Variants in PPP2R1B observed in about 807,000 individuals in gnomAD.
PPP2R1B encodes the protein protein phosphatase 2 scaffold subunit Abeta.
PPP2R1B carries 58 observed loss-of-function variants against 72.7 expected under a neutral mutation model. That is an observed-to-expected ratio of 0.80 (90% CI 0.65 to 0.99). PPP2R1B has a LOEUF of 0.99. PPP2R1B is among the 50% of genes least tolerant of loss of function. The pLI is 0.00. For synonymous variants in PPP2R1B, 256 were observed against 264.6 expected, an observed-to-expected ratio of 0.97 and a Z score of 0.32; for missense variants, 695 against 733.6, an observed-to-expected ratio of 0.95 and a Z score of 0.61.
downstream of PPP2R1B, among the ~76,000 whole-genome samples, chr11:111,723,327 G>A (rs142084650): frequency 6.6e-5 from 10 of 152,330 alleles, no homozygotes; most frequent in African/African-American, 1.9e-4. Context: ...CAAAACATGA[G>A]ATTAGGTTTA....
At chr11:111,724,264 C>A, downstream of PPP2R1B, 2 of 1,281,984 alleles carry the variant, frequency 1.6e-6, no homozygotes, top group Non-Finnish European at 2.1e-6. Context: ...CAACTGGAAT[C>A]AGAGGGTCTG....
At position 111,765,231 on chromosome 11, in the gene PPP2R1B, C is replaced by T. The variant is rs1029189615; in HGVS notation, c.205+63G>A. 55 of 1,452,678 alleles carry T rather than the reference C, an allele frequency of 3.8e-5. No homozygotes were observed. The African/African-American group carries it at 7.5e-4, about 20-fold the overall frequency. The allele number at this position is 1,452,678 out of a possible 1,614,324, so 90.0% of individuals were successfully genotyped here. A position where few individuals can be genotyped will look rare whatever the true frequency, so the allele number is the denominator to read the frequency against. ...TGTGGGTAATAAACTCTAAAAAAGT[C>T]AGTGTTGAAAGCTACTGGAAAATGG... On this transcript the variant is annotated intron_variant, in intron 2 of 14. Transcript: ENST00000527614.
At position 111,753,447 on chromosome 11, in the gene PPP2R1B, T is replaced by A; in HGVS notation, c.1160A>T (p.Asp387Val). ...AGAACATAAAGCAAGACCCACCTCA[T>A]CCTTTAACTGAGCTAAGAAAAGAGG... ...LLPLFLAQLK[D>V]ECPDVRLNII... The change falls in exon 9 of 15, where the codon GAT becomes GTT. Residue 387 changes from aspartate to valine, a missense_variant. Physicochemically the swap from Asp to Val is radical, Grantham distance 152. Coordinates refer to ENST00000527614, the MANE Select transcript of PPP2R1B (RefSeq NM_002716.5). 6.2e-7 allele frequency: 1 copy of A among 1,612,638 alleles called. No individual in the cohort carries two copies. The highest frequency in any genetic ancestry group is 1.7e-4 in the Middle Eastern group (1 of 6,060).
chr11:111,696,893 C>G, the PPP2R1B span, among the ~76,000 whole-genome samples: 2 of 152,166 alleles, frequency 1.3e-5, no homozygotes, highest in African/African-American at 4.8e-5. Context: ...TCATTCCCCC[C>G]CTACTCACCT....
At chr11:111,744,099 C>T (rs971625987) in intron 11 of PPP2R1B, among the ~76,000 whole-genome samples, 1 of 152,172 alleles carries the variant, frequency 6.6e-6, no homozygotes, top group African/African-American at 2.4e-5. Context: ...ACAGAAAAAA[C>T]TGAAACCTGT....
At chr11:111,715,242 T>C in the PPP2R1B span, among the ~76,000 whole-genome samples, 1 of 152,384 alleles carries the variant, frequency 6.6e-6, no homozygotes, top group Non-Finnish European at 1.5e-5. Flanking sequence ...GTTTTATTTA[T>C]GTCAGCAAAA....
chr11:111,697,299 G>A, the PPP2R1B span, among the ~76,000 whole-genome samples: 1 of 152,148 alleles, frequency 6.6e-6, no homozygotes, highest in African/African-American at 2.4e-5. Context: ...TTAAGAGGTG[G>A]GAACAACATA....
chr11:111,718,599 G>A, the PPP2R1B span: 1 of 152,220 alleles, frequency 6.6e-6, no homozygotes, highest in East Asian at 1.9e-4. Context: ...AGTCACCCTA[G>A]TCTCCTTCTC....
chr11:111,725,858 T>A (rs1421485611), downstream of PPP2R1B: 2 of 152,436 alleles, frequency 1.3e-5, no homozygotes, highest in Non-Finnish European at 2.9e-5. Flanking sequence ...GCCAGGATGC[T>A]TCGCAGAGGC....
At chr11:111,734,003 A>G (rs576771092), downstream of PPP2R1B, among the ~76,000 whole-genome samples, 99 of 152,246 alleles carry the variant, frequency 6.5e-4, no homozygotes, top group South Asian at 4.1e-3. Context: ...GCGCCCTCTC[A>G]GCCCTGCCAC....
Position 111,742,524 on chromosome 11 carries a change from T to C in PPP2R1B, c.1696A>G (p.Asn566Asp). 8 of 1,612,422 alleles carry C rather than the reference T, an allele frequency of 5.0e-6. No homozygotes were observed. The highest frequency in any genetic ancestry group is 6.8e-6 in the Non-Finnish European group (8 of 1,179,266). The stretch of plus-strand genomic sequence containing the variant: ...CAAGACTAAACACTAAAATCTTACT[T>C]GGTATCTAGAATTGGTCCAATCTTT... ...LQKIGPILDT[N>D]ALQGEVKPVL... The change falls in exon 13 of 15, where the codon AAT (asparagine) becomes GAT (aspartate). Residue 566 changes from asparagine (N) to aspartate (D), a missense_variant and splice_region_variant. Asn to Asp is a conservative substitution (Grantham distance 23, BLOSUM62 1). Transcript: ENST00000527614.
downstream of PPP2R1B, chr11:111,722,578 T>G (rs1050572399): frequency 5.6e-6 from 7 of 1,245,968 alleles, no homozygotes; most frequent in Non-Finnish European, 8.0e-6. The surrounding 1 kb of genome is among the most constrained non-coding windows in gnomAD (Gnocchi z 4.4). Flanking sequence ...TGCAGTTAGA[T>G]TCATCCTGCA....
chr11:111,751,261 A>T (rs1191301467), intron 10 of PPP2R1B, among the ~76,000 whole-genome samples: 1 of 152,212 alleles, frequency 6.6e-6, no homozygotes, highest in Non-Finnish European at 1.5e-5. Context: ...CTTGAGCAAA[A>T]ATCACAGCAG....
intron 10 of PPP2R1B, 52 bp from the exon 11 acceptor site, chr11:111,748,066 A>C (rs1944768737): frequency 1.9e-6 from 3 of 1,547,836 alleles, no homozygotes; most frequent in Non-Finnish European, 2.7e-6. Context: ...TCAGAAATAA[A>C]GATGGTCTAT....
chr11:111,758,428 A>G (rs892538399), intron 5 of PPP2R1B, among the ~76,000 whole-genome samples: 3 of 152,128 alleles, frequency 2.0e-5, no homozygotes, highest in Non-Finnish European at 2.9e-5. Flanking sequence ...CGTCTCTACT[A>G]AAAATACAAA....
In PPP2R1B at chr11:111,753,591, G is replaced by A. The variant is rs1555048680; in HGVS notation, c.1030-14C>T. 11 of 1,593,732 alleles carry A rather than the reference G, an allele frequency of 6.9e-6. No individual in the cohort carries two copies. Among genetic ancestry groups the A allele is most frequent in the African/African-American group, 1.4e-5 (1 of 73,484 alleles). On this transcript the variant is annotated splice_polypyrimidine_tract_variant and intron_variant, in intron 8 of 14. Transcript: ENST00000527614. Reference sequence around the variant, plus strand: ...GGATACTAATTCCTAAAATAAAATCGAAATTAAAAGCCTTTATTACAAGAC... The same window carrying A: ...GGATACTAATTCCTAAAATAAAATCAAAATTAAAAGCCTTTATTACAAGAC...
chr11:111,689,854 A>G, the PPP2R1B span, among the ~76,000 whole-genome samples: 2 of 152,018 alleles, frequency 1.3e-5, no homozygotes, highest in South Asian at 2.1e-4. Context: ...TCAATATTAC[A>G]TATGTTACAG....
the PPP2R1B span, among the ~76,000 whole-genome samples, chr11:111,699,861 A>G: frequency 6.6e-6 from 1 of 152,218 alleles, no homozygotes; most frequent in African/African-American, 2.4e-5. Context: ...AATCCAGTCA[A>G]TCTGTCTGGC....
At chr11:111,719,930 G>C in the PPP2R1B span, 2 of 1,614,196 alleles carry the variant, frequency 1.2e-6, no homozygotes, top group Non-Finnish European at 1.7e-6. Flanking sequence ...AGGCATTTCA[G>C]TCCACACGCA....
Sources: gnomAD v4.1 joint callset for allele counts (sites outside exome capture counted in the v4.1 genomes callset) on GRCh38, gnomAD v4.1.1 for gene constraint, Gnocchi (gnomAD v3.1) non-coding constraint, MANE v1.5 for transcripts, NCBI Gene and HGNC (gene_info 2026-07-23, HGNC 2026-07-21) for gene names.